Variants in LRRC4C observed in about 807,000 individuals in gnomAD.
LRRC4C encodes the protein leucine rich repeat containing 4C.
LRRC4C carries 5 observed loss-of-function variants against 33.6 expected under a neutral mutation model. The ratio of observed to expected loss-of-function variants is 0.15; its 90% CI spans 0.08 to 0.31. The LOEUF (loss-of-function observed/expected upper bound fraction) is 0.31, where lower values mean the gene tolerates loss of function less well. LRRC4C is among the 10% of genes least tolerant of loss of function. LRRC4C has a pLI of 1.00. For missense variants in LRRC4C, 560 were observed against 796.7 expected, an observed-to-expected ratio of 0.70 and a Z score of 3.58; for synonymous variants, 329 against 302.0, an observed-to-expected ratio of 1.09 and a Z score of -0.93.
intron 1 of LRRC4C, among the ~76,000 whole-genome samples, chr11:41,157,224 A>G (rs774169714): frequency 1.3e-5 from 2 of 152,086 alleles, no homozygotes; most frequent in Non-Finnish European, 2.9e-5. Flanking sequence ...AATGTTCCAG[A>G]CAGGGGAAGA....
intron 1 of LRRC4C, among the ~76,000 whole-genome samples, chr11:41,299,472 A>T (rs1950228545): frequency 6.6e-6 from 1 of 152,124 alleles, no homozygotes; most frequent in Non-Finnish European, 1.5e-5. Flanking sequence ...ATAATGTCTT[A>T]GAGATTTTCT....
chr11:40,547,310 C>T (rs553213162), intron 3 of LRRC4C, among the ~76,000 whole-genome samples: 25 of 152,084 alleles, frequency 1.6e-4, no homozygotes, highest in African/African-American at 5.8e-4. Context: ...AAAATCATGG[C>T]ACTGAAAGGC....
intron 5 of LRRC4C, among the ~76,000 whole-genome samples, chr11:40,190,216 C>T (rs1356348345): frequency 3.3e-5 from 5 of 152,156 alleles, no homozygotes; most frequent in African/African-American, 1.2e-4. Flanking sequence ...TTTAAGAACT[C>T]TGAACCAAGC....
chr11:40,804,052 T>C (rs1175078289), intron 2 of LRRC4C, among the ~76,000 whole-genome samples: 1 of 152,234 alleles, frequency 6.6e-6, no homozygotes, highest in Non-Finnish European at 1.5e-5. Flanking sequence ...ATTAAAATTT[T>C]GTTTGAATTA....
At chr11:41,145,726 C>T (rs1485477714) in intron 1 of LRRC4C, among the ~76,000 whole-genome samples, 1 of 152,146 alleles carries the variant, frequency 6.6e-6, no homozygotes, top group African/African-American at 2.4e-5. Context: ...ATGCCTCTTA[C>T]CTAGCACAGT....
chr11:40,690,725 A>T (rs1485094293), intron 2 of LRRC4C, among the ~76,000 whole-genome samples: 1 of 152,084 alleles, frequency 6.6e-6, no homozygotes, highest in African/African-American at 2.4e-5. Flanking sequence ...ACTGTACCAA[A>T]GGCTTATAAA....
chr11:40,358,247 T>C (rs1947770748), intron 3 of LRRC4C, among the ~76,000 whole-genome samples: 1 of 152,038 alleles, frequency 6.6e-6, no homozygotes, highest in Non-Finnish European at 1.5e-5. Context: ...GAAGTAAGGC[T>C]TGGAGAGGTG....
At chr11:40,244,954 G>C (rs1334592732) in intron 4 of LRRC4C, among the ~76,000 whole-genome samples, 2 of 152,072 alleles carry the variant, frequency 1.3e-5, no homozygotes, top group Non-Finnish European at 2.9e-5. Context: ...CCAATTAATA[G>C]CTCATAAAAA....
intron 6 of LRRC4C, among the ~76,000 whole-genome samples, chr11:40,121,409 A>G (rs1438638177): frequency 7.2e-5 from 11 of 152,224 alleles, no homozygotes; most frequent in Admixed American, 6.5e-4. Context: ...TAAATCAACT[A>G]CTATCAACAA....
intron 3 of LRRC4C, among the ~76,000 whole-genome samples, chr11:40,619,258 AT>A (rs1280959689): frequency 6.6e-6 from 1 of 151,780 alleles, no homozygotes; most frequent in African/African-American, 2.4e-5. Flanking sequence ...ACTTTATTTT[AT>A]ATTTTTAAAT....
intron 2 of LRRC4C, among the ~76,000 whole-genome samples, chr11:40,912,633 A>G (rs990291829): frequency 3.1e-4 from 47 of 152,334 alleles, no homozygotes; most frequent in African/African-American, 1.1e-3. Context: ...AAGAAACTGC[A>G]TCAACTAACG....
chr11:41,340,632 C>T (rs781431796), intron 1 of LRRC4C, among the ~76,000 whole-genome samples: 1 of 152,124 alleles, frequency 6.6e-6, no homozygotes, highest in Non-Finnish European at 1.5e-5. Context: ...GACCTAGGAT[C>T]ATATCTTCCT....
chr11:41,267,521 C>A (rs887430682), intron 1 of LRRC4C, among the ~76,000 whole-genome samples: 2 of 152,080 alleles, frequency 1.3e-5, no homozygotes, highest in African/African-American at 4.8e-5. Context: ...TAGCACGATG[C>A]GTGGTAACCA....
At chr11:40,556,832 G>T (rs926128529) in intron 3 of LRRC4C, among the ~76,000 whole-genome samples, 1 of 152,164 alleles carries the variant, frequency 6.6e-6, no homozygotes, top group East Asian at 1.9e-4. Flanking sequence ...TGTGTGCAAG[G>T]CATGTTTCAG....
At chr11:40,793,629 C>T (rs920772950) in intron 2 of LRRC4C, among the ~76,000 whole-genome samples, 10 of 152,096 alleles carry the variant, frequency 6.6e-5, no homozygotes, top group African/African-American at 2.4e-4. Context: ...TCAAGTAAAT[C>T]CCAGTTTTAT....
At chr11:40,230,894 A>C (rs915787034) in intron 5 of LRRC4C, among the ~76,000 whole-genome samples, 2 of 152,236 alleles carry the variant, frequency 1.3e-5, no homozygotes, top group African/African-American at 4.8e-5. Flanking sequence ...CATTTAAAGC[A>C]GCAGATGCCC....
chr11:40,973,179 A>G (rs1280419556), intron 1 of LRRC4C, among the ~76,000 whole-genome samples: 2 of 152,074 alleles, frequency 1.3e-5, no homozygotes, highest in African/African-American at 4.8e-5. Flanking sequence ...TTTTCTATAC[A>G]AATTACCTGG....
chr11:40,179,255 C>T (rs1860778943), intron 5 of LRRC4C, among the ~76,000 whole-genome samples: 1 of 152,036 alleles, frequency 6.6e-6, no homozygotes. Context: ...CCTCCCATCT[C>T]AACTTCTCAA....
At chr11:40,249,599 A>C (rs1379182331) in intron 4 of LRRC4C, among the ~76,000 whole-genome samples, 2 of 150,452 alleles carry the variant, frequency 1.3e-5, no homozygotes, top group Non-Finnish European at 3.0e-5. Context: ...TATGAAATAT[A>C]TTGTATATAT....
Sources: allele counts gnomAD v4.1 joint callset (sites outside exome capture counted in the v4.1 genomes callset), GRCh38; gene constraint gnomAD v4.1.1; transcripts MANE v1.5; gene names NCBI Gene and HGNC (gene_info 2026-07-23, HGNC 2026-07-21).